PTPRD: variants seen among roughly 807,000 people sequenced by gnomAD.
The protein encoded by PTPRD is protein tyrosine phosphatase receptor type D.
A neutral mutation model predicts 214.5 loss-of-function variants in PTPRD; 34 were observed. The ratio of observed to expected loss-of-function variants is 0.16; its 90% CI spans 0.12 to 0.21. PTPRD has a LOEUF of 0.21. Ranked by LOEUF, PTPRD falls within the 10% of genes least tolerant of loss-of-function variation. The pLI, the probability that PTPRD is intolerant of heterozygous loss-of-function variation, is 1.00. For missense variants in PTPRD, 2,545 were observed against 2,398.7 expected (o/e 1.06, Z -1.27); for synonymous variants, 1,128 against 845.7 (o/e 1.33, Z -5.79).
At chr9:8,798,581 T>A (rs2096496883) in intron 11 of PTPRD, among the ~76,000 whole-genome samples, 2 of 152,236 alleles carry the variant, frequency 1.3e-5, no homozygotes, top group African/African-American at 4.8e-5. Context: ...AAAGCTAGTA[T>A]ACCATATCGT....
chr9:10,077,646 G>A (rs996814463), intron 3 of PTPRD, among the ~76,000 whole-genome samples: 4 of 152,116 alleles, frequency 2.6e-5, no homozygotes, highest in South Asian at 2.1e-4. Context: ...ACCGTCCTCC[G>A]TTCCTCCTCT....
chr9:8,524,795 C>T, intron 18 of PTPRD, 130 bp downstream of exon 18: 1 of 809,298 alleles, frequency 1.2e-6, no homozygotes, highest in Non-Finnish European at 2.2e-6. Flanking sequence ...TATTTACTAA[C>T]ATGTTTCAGC....
At chr9:8,922,648 T>C (rs1039821409) in intron 11 of PTPRD, among the ~76,000 whole-genome samples, 1 of 152,098 alleles carries the variant, frequency 6.6e-6, no homozygotes, top group Admixed American at 6.6e-5. Context: ...ATTTTATTTT[T>C]TTTGAGACAG....
chr9:9,000,470 TTGTTA>T (rs1440231307), intron 11 of PTPRD, among the ~76,000 whole-genome samples: 10 of 151,994 alleles, frequency 6.6e-5, no homozygotes, highest in African/African-American at 2.4e-4. Context: ...CTTGAGGTGC[TTGTTA>T]TAACTTCACT....
intron 11 of PTPRD, among the ~76,000 whole-genome samples, chr9:8,977,130 T>C (rs1307377270): frequency 1.3e-5 from 2 of 152,108 alleles, no homozygotes; most frequent in Non-Finnish European, 2.9e-5. Flanking sequence ...GCTGGTAATA[T>C]CTCTGATATC....
chr9:8,736,021 C>T (rs114584935), intron 11 of PTPRD, among the ~76,000 whole-genome samples: 2,435 of 151,980 alleles, frequency 0.016, 62 homozygotes, highest in African/African-American at 0.055. Flanking sequence ...ACAAAAAGAG[C>T]CATTTAATGT....
At chr9:9,629,921 G>C (rs1416265406) in intron 7 of PTPRD, among the ~76,000 whole-genome samples, 1 of 152,142 alleles carries the variant, frequency 6.6e-6, no homozygotes, top group Non-Finnish European at 1.5e-5. Flanking sequence ...AATGAGAGTA[G>C]GTGAGATTAG....
intron 3 of PTPRD, among the ~76,000 whole-genome samples, chr9:10,143,619 A>G (rs2099002583): frequency 6.6e-6 from 1 of 152,128 alleles, no homozygotes; most frequent in African/African-American, 2.4e-5. Flanking sequence ...TGTTCATTGC[A>G]GCACCATTCA....
chr9:8,904,004 G>A (rs937969113), intron 11 of PTPRD, among the ~76,000 whole-genome samples: 6 of 152,056 alleles, frequency 3.9e-5, no homozygotes, highest in East Asian at 1.9e-4. Flanking sequence ...ATTATGATTC[G>A]ATTATTTATT....
chr9:9,276,981 T>C (rs1164098768), intron 9 of PTPRD, among the ~76,000 whole-genome samples: 4 of 151,270 alleles, frequency 2.6e-5, no homozygotes, highest in Admixed American at 1.3e-4. Context: ...TCTGCATCTG[T>C]AGAGCTTCTT....
chr9:10,479,743 G>T (rs1216719517), intron 2 of PTPRD, among the ~76,000 whole-genome samples: 1 of 152,016 alleles, frequency 6.6e-6, no homozygotes. Flanking sequence ...GGTCGCTTGA[G>T]CCCAGGGTTC....
At chr9:10,482,392 GTAAA>G (rs1394968213) in intron 2 of PTPRD, among the ~76,000 whole-genome samples, 1 of 151,072 alleles carries the variant, frequency 6.6e-6, no homozygotes, top group African/African-American at 2.4e-5. Flanking sequence ...AAATAAATAA[GTAAA>G]TAAATAAATC....
At chr9:9,859,590 A>C (rs920100635) in intron 5 of PTPRD, among the ~76,000 whole-genome samples, 1 of 152,232 alleles carries the variant, frequency 6.6e-6, no homozygotes, top group Non-Finnish European at 1.5e-5. Context: ...TGCTCTTGTC[A>C]TATTTGTATA....
intron 35 of PTPRD, among the ~76,000 whole-genome samples, chr9:8,435,700 T>TATACACAC (rs1554962028): frequency 6.7e-6 from 1 of 148,780 alleles, no homozygotes; most frequent in Admixed American, 6.7e-5. Flanking sequence ...AATATCCAAA[T>TATACACAC]ACACACACAC....
In PTPRD at chr9:8,898,294, C is replaced by T. The variant is rs554166803; in HGVS notation, c.-104+120403G>A. 8.6e-5 allele frequency among the ~76,000 whole-genome samples: 13 copies of T among 151,948 alleles called. No homozygotes were observed. The East Asian group carries it at 2.5e-3, about 29-fold the overall frequency. ...TCTTTTAAAATAACTATCTGAGAGC[C>T]CCAGGAATCTCCTATACTTGGAAGC... On this transcript the variant is annotated intron_variant, in intron 11 of 45. Transcript: ENST00000381196.
chr9:9,095,829 T>C (rs1327767277), intron 10 of PTPRD, among the ~76,000 whole-genome samples: 1 of 152,170 alleles, frequency 6.6e-6, no homozygotes, highest in Non-Finnish European at 1.5e-5. Flanking sequence ...TTGTTCTCAA[T>C]AGCCAAGATA....
intron 11 of PTPRD, 130 bp from the exon 12 acceptor site, chr9:8,734,076 G>T (rs568170073): frequency 7.1e-6 from 4 of 562,058 alleles, no homozygotes; most frequent in African/African-American, 5.6e-5. Context: ...ACAATAAATT[G>T]TAACTGTCAT....
chr9:10,270,982 G>C (rs1412069264), intron 3 of PTPRD, among the ~76,000 whole-genome samples: 3 of 151,962 alleles, frequency 2.0e-5, no homozygotes, highest in African/African-American at 7.2e-5. Context: ...CCCACCATGT[G>C]CAGCTAATAG....
intron 10 of PTPRD, among the ~76,000 whole-genome samples, chr9:9,106,475 T>A (rs924433896): frequency 1.3e-5 from 2 of 151,492 alleles, no homozygotes; most frequent in African/African-American, 2.4e-5. Flanking sequence ...AGTTAATAAG[T>A]AAAAGAGCAA....
Sources: gnomAD v4.1 joint callset for allele counts (sites outside exome capture counted in the v4.1 genomes callset) on GRCh38, gnomAD v4.1.1 for gene constraint, MANE v1.5 for transcripts, NCBI Gene and HGNC (gene_info 2026-07-23, HGNC 2026-07-21) for gene names.